NASP: variants seen among roughly 807,000 people sequenced by gnomAD.
NASP encodes NASP histone chaperone.
A neutral mutation model predicts 89.5 loss-of-function variants in NASP; 24 were observed. That is an observed-to-expected ratio of 0.27 (90% CI 0.19 to 0.38). The LOEUF is 0.38. Ranked by LOEUF, NASP falls within the 10% of genes least tolerant of loss-of-function variation. The probability of loss-of-function intolerance (pLI) is 1.00; values close to 1 mark genes in which losing one functional copy is unlikely to be tolerated. For missense variants in NASP, 848 were observed against 921.4 expected (o/e 0.92, Z 1.03); for synonymous variants, 306 against 324.7 (o/e 0.94, Z 0.62).
intron 1 of NASP, among the ~76,000 whole-genome samples, chr1:45,586,274 G>C (rs1380220812): frequency 1.7e-5 from 1 of 60,002 alleles, no homozygotes; most frequent in Non-Finnish European, 3.6e-5. Flanking sequence ...GTGTGTGTGT[G>C]TGTGTGTGTG....
At chr1:45,586,414 T>C (rs1644551271) in intron 1 of NASP, among the ~76,000 whole-genome samples, 1 of 151,648 alleles carries the variant, frequency 6.6e-6, no homozygotes, top group Admixed American at 6.6e-5. Context: ...GCCTCCCGAG[T>C]AGCTGGGACT....
rs552373531 is a variant in NASP at position 45,615,213 on chromosome 1, C to G, written c.1855+12C>G. 1 of 1,613,360 alleles carries G rather than the reference C, an allele frequency of 6.2e-7. No individual in the cohort carries two copies. Among genetic ancestry groups the G allele is most frequent in the Non-Finnish European group, 8.5e-7 (1 of 1,179,458 alleles). Reference sequence around the variant, plus strand: ...TGAGAACAGAATGGGTGAGTGAAGACGAGCTGCTTCATGGTGATGTTGGAT... The same window carrying G: ...TGAGAACAGAATGGGTGAGTGAAGAGGAGCTGCTTCATGGTGATGTTGGAT... On this transcript the variant is annotated intron_variant, in intron 10 of 14. Transcript: ENST00000350030.
intron 6 of NASP, chr1:45,612,374 T>C (rs1285770673): frequency 6.6e-6 from 1 of 152,230 alleles, no homozygotes; most frequent in African/African-American, 2.4e-5. Flanking sequence ...AGGCATATTA[T>C]ATCCAATTCA....
chr1:45,601,739 AAGAG>A (rs1643848566), intron 2 of NASP, among the ~76,000 whole-genome samples: 1 of 144,822 alleles, frequency 6.9e-6, no homozygotes, highest in African/African-American at 2.5e-5. Flanking sequence ...ATGAGCCGTT[AAGAG>A]AATTTTTTTT....
chr1:45,596,081 G>A (rs2148340175), intron 2 of NASP, among the ~76,000 whole-genome samples: 1 of 152,296 alleles, frequency 6.6e-6, no homozygotes, highest in South Asian at 2.1e-4. Flanking sequence ...GTCACTTTAA[G>A]GGAAATAACT....
At chr1:45,612,668 CTA>C (rs1190660193) in intron 6 of NASP, 5 of 152,626 alleles carry the variant, frequency 3.3e-5, no homozygotes, top group African/African-American at 1.2e-4. Flanking sequence ...TCGGTAAGGA[CTA>C]TGCTTTTTGC....
At position 45,618,773 on chromosome 1, in the gene NASP, ATG is replaced by A. The variant is rs1557670209; in HGVS notation, c.*635_*636del. On this transcript the variant is annotated 3_prime_UTR_variant, in exon 15 of 15. Coordinates refer to ENST00000350030, the MANE Select transcript of NASP (RefSeq NM_002482.4). ...ACACTCCAGATGTGGTTGGAAGCAT[ATG>A]TGGGGAGGCTGGCTGGTTGAGTTTT... 1 of 152,300 alleles carries A rather than the reference ATG, an allele frequency of 6.6e-6. No individual in the cohort carries two copies. The highest frequency in any genetic ancestry group is 1.5e-5 in the Non-Finnish European group (1 of 68,076). The allele number at this position is 152,300 out of a possible 1,614,324, so 9.4% of individuals were successfully genotyped here. A position where few individuals can be genotyped will look rare whatever the true frequency, so the allele number is the denominator to read the frequency against.
chr1:45,586,845 A>C (rs973734149), intron 1 of NASP, among the ~76,000 whole-genome samples: 6 of 152,134 alleles, frequency 3.9e-5, no homozygotes, highest in African/African-American at 1.2e-4. Context: ...AAATGGAATG[A>C]GAAATAAACC....
rs1412137960 is a variant in NASP at position 45,614,951 on chromosome 1, T to A, written c.1667-62T>A. The A allele has an allele frequency of 2.8e-6, 4 of 1,436,084 alleles. No individual in the cohort carries two copies. In the Admixed American group the frequency reaches 8.3e-5, roughly 30 times the overall value. 89.0% of individuals were successfully genotyped at this position (1,436,084 alleles called of 1,614,324 possible). ...TGCATTCCCATAGGATGGGTCTGAA[T>A]TCTGGAAGTATTTTATGTTGAATGC... On this transcript the variant is annotated intron_variant, in intron 9 of 14. Coordinates refer to ENST00000350030, the MANE Select transcript of NASP (RefSeq NM_002482.4).
intron 2 of NASP, among the ~76,000 whole-genome samples, chr1:45,599,615 A>T (rs1018213733): frequency 2.0e-5 from 3 of 150,998 alleles, no homozygotes; most frequent in African/African-American, 7.3e-5. Flanking sequence ...TTCAGAAGAG[A>T]GGGGGGTTTC....
chr1:45,606,241 CAA>C (rs1207606101), intron 4 of NASP, among the ~76,000 whole-genome samples: 3 of 152,164 alleles, frequency 2.0e-5, no homozygotes, highest in Non-Finnish European at 4.4e-5. Flanking sequence ...GTTCTTTTGA[CAA>C]GAGACATGCT....
At chr1:45,608,483 C>G in intron 6 of NASP, 146 bp downstream of exon 6, 1 of 796,070 alleles carries the variant, frequency 1.3e-6, no homozygotes, top group Non-Finnish European at 2.0e-6. Context: ...GGTAGTTTAA[C>G]AAGGTCGTGA....
At position 45,591,285 on chromosome 1, in the gene NASP, A is replaced by G. The variant is rs764475438; in HGVS notation, c.107+15A>G. ...AAAGTGGAGAGGTAAGATTATTTAC[A>G]TGGTAGTTAGATTCGTATCAGAAAC... On this transcript the variant is annotated intron_variant, in intron 2 of 14. Transcript: ENST00000350030. The G allele has an allele frequency of 2.0e-6, 3 of 1,478,064 alleles. No homozygotes were observed. Among genetic ancestry groups the G allele is most frequent in the East Asian group, 2.4e-5 (1 of 41,592 alleles). The allele number at this position is 1,478,064 out of a possible 1,614,324, so 91.6% of individuals were successfully genotyped here. A position where few individuals can be genotyped will look rare whatever the true frequency, so the allele number is the denominator to read the frequency against.
chr1:45,611,071 G>C (rs1284800717), intron 6 of NASP: 1 of 152,140 alleles, frequency 6.6e-6, no homozygotes, highest in Non-Finnish European at 1.5e-5. Flanking sequence ...TCCGGGCTTA[G>C]TTCCCCAAAG....
Position 45,607,799 on chromosome 1 carries a change from A to G in NASP, c.888A>G (p.Glu296=). The G allele has an allele frequency of 1.2e-6, 2 of 1,614,174 alleles. No homozygotes were observed. The highest frequency in any genetic ancestry group is 1.7e-6 in the Non-Finnish European group (2 of 1,180,034). ...LEKQGTAVEV[E]AESLDPTVKP... ...AGCAGGGCACTGCAGTGGAGGTAGAAGCAGAGTCTTTAGACCCGACAGTCA... is the reference window on the plus strand; with the variant it reads ...AGCAGGGCACTGCAGTGGAGGTAGAGGCAGAGTCTTTAGACCCGACAGTCA... Residue 296 remains glutamate (E), a synonymous_variant, in exon 6 of 15, where the codon GAA becomes GAG. Transcript: ENST00000350030.
At chr1:45,604,544 AGATATTC>A (rs138770589) in intron 3 of NASP, among the ~76,000 whole-genome samples, 119 of 152,326 alleles carry the variant, frequency 7.8e-4, no homozygotes, top group Non-Finnish European at 1.3e-3. Context: ...GAAGAACTCC[AGATATTC>A]TGCGCTTTAC....
rs1385819412 is a variant in NASP at position 45,586,403 on chromosome 1, A to G, written c.59+2198A>G. Among the ~76,000 whole-genome samples, 3 of 151,514 alleles carry G rather than the reference A, an allele frequency of 2.0e-5. No individual in the cohort carries two copies. The East Asian group carries it at 6.0e-4, about 30-fold the overall frequency. The stretch of plus-strand genomic sequence containing the variant: ...TGGCCTCAAGTGATTGTCCGGCCTC[A>G]GCCTCCCGAGTAGCTGGGACTGCAG... On this transcript the variant is annotated intron_variant, in intron 1 of 14. Coordinates refer to ENST00000350030, the MANE Select transcript of NASP (RefSeq NM_002482.4).
At chr1:45,598,255 CCTT>C (rs986766452) in intron 2 of NASP, among the ~76,000 whole-genome samples, 1 of 151,134 alleles carries the variant, frequency 6.6e-6, no homozygotes. Flanking sequence ...ACTGCAGCCT[CCTT>C]CTCCCAGGTT....
chr1:45,602,376 T>C lies in NASP; in HGVS notation c.218+11T>C, dbSNP rs781460260. ...AGCAGCTAGTCTTTTGTAAGTATTGTATATTTTGCTATGATGTAATATTAT... is the reference window on the plus strand; with the variant it reads ...AGCAGCTAGTCTTTTGTAAGTATTGCATATTTTGCTATGATGTAATATTAT... On this transcript the variant is annotated intron_variant, in intron 3 of 14. Coordinates refer to ENST00000350030, the MANE Select transcript of NASP (RefSeq NM_002482.4). The C allele has an allele frequency of 1.9e-6, 3 of 1,607,514 alleles. No individual in the cohort carries two copies. The South Asian group carries it at 3.3e-5, about 18-fold the overall frequency.
Sources: gnomAD v4.1 joint callset for allele counts (sites outside exome capture counted in the v4.1 genomes callset) on GRCh38, gnomAD v4.1.1 for gene constraint, MANE v1.5 for transcripts, NCBI Gene and HGNC (gene_info 2026-07-23, HGNC 2026-07-21) for gene names.